Variants in PSMG2 observed in about 807,000 individuals in gnomAD.
The protein encoded by PSMG2 is proteasome assembly chaperone 2, also known as CD40 ligand-activated specific transcript 3.
PSMG2 carries 21 observed loss-of-function variants against 31.5 expected under a neutral mutation model. The observed-to-expected ratio is 0.67, with a 90% CI of 0.47 to 0.96. PSMG2 has a LOEUF of 0.96. Ranked by LOEUF, PSMG2 falls within the 40% of genes least tolerant of loss-of-function variation. PSMG2 has a pLI of 0.00. For synonymous variants in PSMG2, 120 were observed against 110.4 expected (o/e 1.09, Z -0.54); for missense variants, 318 against 321.2 (o/e 0.99, Z 0.08).
chr18:12,675,066 G>A (rs1321901126), intron 1 of PSMG2, among the ~76,000 whole-genome samples: 1 of 132,052 alleles, frequency 7.6e-6, no homozygotes, highest in Non-Finnish European at 1.7e-5. Context: ...ATGGAGGACA[G>A]GTATAATTCT....
At chr18:12,683,919 A>G (rs1198787199) in intron 1 of PSMG2, among the ~76,000 whole-genome samples, 1 of 151,612 alleles carries the variant, frequency 6.6e-6, no homozygotes, top group Non-Finnish European at 1.5e-5. Flanking sequence ...ATAAACTAGG[A>G]ATAGAATTAT....
chr18:12,715,686 A>G (rs973879323), intron 3 of PSMG2, among the ~76,000 whole-genome samples: 1 of 151,852 alleles, frequency 6.6e-6, no homozygotes, highest in African/African-American at 2.4e-5. Flanking sequence ...TTGTACTTTT[A>G]GTAGAGTTGG....
intron 1 of PSMG2, among the ~76,000 whole-genome samples, chr18:12,678,728 G>C (rs964626438): frequency 1.3e-5 from 2 of 149,304 alleles, no homozygotes; most frequent in East Asian, 3.9e-4. Context: ...GGCCGAGGCA[G>C]GGGGATCACC....
chr18:12,693,008 G>C (rs1255967863), intron 1 of PSMG2, among the ~76,000 whole-genome samples: 1 of 152,086 alleles, frequency 6.6e-6, no homozygotes, highest in Non-Finnish European at 1.5e-5. Context: ...AATTTTTGTA[G>C]AGATGAAGTC....
chr18:12,682,294 A>AT (rs1228638213), intron 1 of PSMG2, among the ~76,000 whole-genome samples: 2 of 152,018 alleles, frequency 1.3e-5, no homozygotes, highest in Middle Eastern at 3.4e-3. Flanking sequence ...AGCTCAAGTG[A>AT]TTCCCCCGCC....
intron 5 of PSMG2, 53 bp from the exon 6 acceptor site, chr18:12,724,446 T>G: frequency 6.7e-7 from 1 of 1,485,052 alleles, no homozygotes; most frequent in Non-Finnish European, 9.0e-7. Context: ...CACACTAGAG[T>G]CAGCTCTTGT....
Position 12,691,558 on chromosome 18 carries a change from T to G in PSMG2, c.-36-14992T>G, listed in dbSNP as rs145564875. The G allele has an allele frequency of 5.4e-4, 626 of 1,153,552 alleles. 12 individuals are homozygous for G. The East Asian group carries it at 0.016, about 29-fold the overall frequency. The allele number at this position is 1,153,552 out of a possible 1,614,324, so 71.5% of individuals were successfully genotyped here. A position where few individuals can be genotyped will look rare whatever the true frequency, so the allele number is the denominator to read the frequency against. On this transcript the variant is annotated intron_variant, in intron 1 of 6. Coordinates refer to the PSMG2 transcript ENST00000585331. ...AATTACTACAAAATATGTAGCAAAT[T>G]TATCTACTTCTCTACATCATTACCA...
chr18:12,701,260 C>G (rs958566578), upstream of PSMG2: 4 of 609,364 alleles, frequency 6.6e-6, no homozygotes, highest in South Asian at 4.4e-5. Flanking sequence ...AAGAATGAAT[C>G]TTTTGAGTAC....
intron 1 of PSMG2, among the ~76,000 whole-genome samples, chr18:12,696,338 A>G (rs1354046148): frequency 6.6e-6 from 1 of 151,982 alleles, no homozygotes; most frequent in African/African-American, 2.4e-5. Flanking sequence ...CCCCATCTCT[A>G]CTAAAAATAC....
intron 1 of PSMG2, chr18:12,692,429 C>G (rs910357830): frequency 4.6e-5 from 7 of 152,272 alleles, no homozygotes; most frequent in African/African-American, 1.7e-4. Flanking sequence ...ATTTTCTCCT[C>G]TCTCCCCAAC....
chr18:12,665,828 G>A (rs1327498420), intron 1 of PSMG2, among the ~76,000 whole-genome samples: 1 of 152,114 alleles, frequency 6.6e-6, no homozygotes, highest in Non-Finnish European at 1.5e-5. Context: ...CTCCCGAGTA[G>A]CTGCGATTAC....
intron 1 of PSMG2, among the ~76,000 whole-genome samples, chr18:12,703,452 C>T (rs749087976): frequency 3.9e-5 from 6 of 152,208 alleles, no homozygotes; most frequent in Non-Finnish European, 5.9e-5. Flanking sequence ...TTTTGCAGGG[C>T]ATCCTTCAGT....
chr18:12,718,058 G>A (rs1203836507), intron 3 of PSMG2, among the ~76,000 whole-genome samples: 2 of 149,924 alleles, frequency 1.3e-5, no homozygotes, highest in African/African-American at 4.9e-5. Context: ...CCCCCGGCTG[G>A]AGTGCAATGG....
intron 1 of PSMG2, chr18:12,661,362 T>C: frequency 1.0e-6 from 1 of 984,722 alleles, no homozygotes; most frequent in Non-Finnish European, 1.2e-6. Flanking sequence ...ATCACAACAC[T>C]CTGAAAGTGA....
intron 1 of PSMG2, among the ~76,000 whole-genome samples, chr18:12,691,646 C>A (rs532925048): frequency 1.3e-5 from 2 of 152,198 alleles, no homozygotes; most frequent in South Asian, 2.1e-4. Flanking sequence ...TCTACACTTA[C>A]CCCTAGTACA....
intron 1 of PSMG2, among the ~76,000 whole-genome samples, chr18:12,660,481 C>T (rs536548090): frequency 6.6e-6 from 1 of 152,198 alleles, no homozygotes; most frequent in African/African-American, 2.4e-5. Context: ...GCTACCATGC[C>T]TGGCTAATTT....
chr18:12,706,655 A>C lies in PSMG2; in HGVS notation c.163A>C (p.Met55Leu), dbSNP rs116940091. The change falls in exon 2 of 7, where the codon ATG becomes CTG. Residue 55 changes from methionine (M) to leucine (L), a missense_variant. Transcript: ENST00000317615. ...CTTCTATACCGATTGTCTTGTGCCA[A>C]TGGTTGGAAACAATCCATATGCGAC... ...GYFYTDCLVP[M>L]VGNNPYATTE... The C allele has an allele frequency of 1.0e-4, 161 of 1,613,958 alleles. 1 individual carries two copies. The East Asian group carries it at 2.7e-3, about 27-fold the overall frequency.
At chr18:12,665,991 G>A (rs61407614) in intron 1 of PSMG2, among the ~76,000 whole-genome samples, 34 of 147,736 alleles carry the variant, frequency 2.3e-4, no homozygotes, top group Non-Finnish European at 4.6e-4. Flanking sequence ...CACCGTGCCC[G>A]GCCCAACACA....
At chr18:12,705,748 G>C (rs1459794515) in intron 1 of PSMG2, among the ~76,000 whole-genome samples, 1 of 152,128 alleles carries the variant, frequency 6.6e-6, no homozygotes, top group East Asian at 1.9e-4. Context: ...TTCTTTCCCA[G>C]ATCTCTGTAC....
Sources: gnomAD v4.1 joint callset for allele counts (sites outside exome capture counted in the v4.1 genomes callset) on GRCh38, gnomAD v4.1.1 for gene constraint, MANE v1.5 for transcripts, NCBI Gene and HGNC (gene_info 2026-07-23, HGNC 2026-07-21) for gene names.